The following DGKG variants were observed in gnomAD, a reference collection of about 807,000 sequenced individuals.
DGKG encodes the protein diacylglycerol kinase gamma.
Under a neutral mutation model 105.3 loss-of-function variants are expected in DGKG, and 78 were observed. The observed-to-expected ratio is 0.74, with a 90% CI of 0.62 to 0.89. DGKG has a LOEUF of 0.89. Ranked by LOEUF, DGKG falls within the 40% of genes least tolerant of loss-of-function variation. The pLI is 0.00. For synonymous variants in DGKG, 346 were observed against 367.1 expected (o/e 0.94, Z 0.66); for missense variants, 958 against 1,020.1 (o/e 0.94, Z 0.83).
At chr3:186,312,363 A>G (rs1364101161) in intron 2 of DGKG, among the ~76,000 whole-genome samples, 1 of 152,142 alleles carries the variant, frequency 6.6e-6, no homozygotes, top group East Asian at 1.9e-4. Context: ...GTAAAAATGC[A>G]GATTCTGTAG....
intron 18 of DGKG, among the ~76,000 whole-genome samples, chr3:186,252,892 G>A (rs1263315575): frequency 6.6e-6 from 1 of 152,190 alleles, no homozygotes; most frequent in African/African-American, 2.4e-5. Context: ...AGCTCCCAGA[G>A]CCCAGAAGAG....
Position 186,149,890 on chromosome 3 carries a change from A to C in DGKG, c.*200T>G, listed in dbSNP as rs533808637. 7 of 1,376,206 alleles carry C rather than the reference A, an allele frequency of 5.1e-6. No individual in the cohort carries two copies. In the East Asian group the frequency reaches 1.7e-4, roughly 34 times the overall value. The allele number at this position is 1,376,206 out of a possible 1,614,324, so 85.2% of individuals were successfully genotyped here. A position where few individuals can be genotyped will look rare whatever the true frequency, so the allele number is the denominator to read the frequency against. ...ATGTTTTGTTGGCACTGGCTCTGTT[A>C]GGGGTGTACCCACTGTTGAAACAGA... On this transcript the variant is annotated 3_prime_UTR_variant, in exon 25 of 25. Coordinates refer to ENST00000265022, the MANE Select transcript of DGKG (RefSeq NM_001346.3).
chr3:186,356,002 C>T (rs547325288), intron 1 of DGKG, among the ~76,000 whole-genome samples: 120 of 152,084 alleles, frequency 7.9e-4, no homozygotes, highest in African/African-American at 2.3e-3. Flanking sequence ...GATTATTGGA[C>T]GGAAGATCAA....
At position 186,165,024 on chromosome 3, in the gene DGKG, G is replaced by A. The variant is rs201025412; in HGVS notation, c.2096-6C>T. 3.7e-6 allele frequency: 6 copies of A among 1,610,904 alleles called. No individual in the cohort carries two copies. Among genetic ancestry groups the A allele is most frequent in the Non-Finnish European group, 4.2e-6 (5 of 1,178,968 alleles). Reference sequence around the variant, plus strand: ...AAGGAGCTGGTCACTGAGGTCTGCAGAGCGAGACAGCAAAAGTAGTGCATA... The same window carrying A: ...AAGGAGCTGGTCACTGAGGTCTGCAAAGCGAGACAGCAAAAGTAGTGCATA... On this transcript the variant is annotated splice_region_variant and splice_polypyrimidine_tract_variant and intron_variant, in intron 22 of 24. Coordinates refer to ENST00000265022, the MANE Select transcript of DGKG (RefSeq NM_001346.3).
rs1204172764 is a variant in DGKG at position 186,183,508 on chromosome 3, G to T, written c.2095+4694C>A. ...CATGTAGCTAAGAACCTTTCTTGGG[G>T]GGGGGCGGGGTAACTACTTGAGGCC... On this transcript the variant is annotated intron_variant, in intron 22 of 24. Coordinates refer to ENST00000265022, the MANE Select transcript of DGKG (RefSeq NM_001346.3). Among the ~76,000 whole-genome samples, 1,195 of 152,026 alleles carry T rather than the reference G, an allele frequency of 7.9e-3. 20 individuals are homozygous for T. The highest frequency in any genetic ancestry group is 0.027 in the African/African-American group (1,139 of 41,432).
In DGKG at chr3:186,147,504, A is replaced by G. The variant is rs1715560112; in HGVS notation, c.*2586T>C. On this transcript the variant is annotated 3_prime_UTR_variant, in exon 25 of 25. Transcript: ENST00000265022. ...AGGATGATTTGCAAGGCACGATTAA[A>G]CAACAACACAAGATTTACTAAGGTT... is the stretch of plus-strand genomic sequence containing the variant. 1 of 985,312 alleles carries G rather than the reference A, an allele frequency of 1.0e-6. No individual in the cohort carries two copies. Among genetic ancestry groups the G allele is most frequent in the Non-Finnish European group, 1.2e-6 (1 of 829,918 alleles). The allele number at this position is 985,312 out of a possible 1,614,324, so 61.0% of individuals were successfully genotyped here.
At chr3:186,313,253 A>G (rs528682845) in intron 2 of DGKG, among the ~76,000 whole-genome samples, 1 of 152,366 alleles carries the variant, frequency 6.6e-6, no homozygotes, top group African/African-American at 2.4e-5. Flanking sequence ...TGATTTGAAC[A>G]TGAGCCGAGG....
At chr3:186,353,594 C>T (rs992962644) in intron 1 of DGKG, among the ~76,000 whole-genome samples, 253 of 141,640 alleles carry the variant, frequency 1.8e-3, no homozygotes, top group African/African-American at 6.8e-3. Context: ...TATATATACA[C>T]ACACACACAT....
chr3:186,234,720 A>G lies in DGKG; in HGVS notation c.1826+7784T>C, dbSNP rs140020621. Among the ~76,000 whole-genome samples, 1,359 of 152,316 alleles carry G rather than the reference A, an allele frequency of 8.9e-3. 26 individuals are homozygous for G. The highest frequency in any genetic ancestry group is 0.031 in the African/African-American group (1,274 of 41,568). ...CTTGTAGGGAGGCTTGAGACGCCACAGGCTGCTGCTGTGTAACAGTCTGAG... is the reference window on the plus strand; with the variant it reads ...CTTGTAGGGAGGCTTGAGACGCCACGGGCTGCTGCTGTGTAACAGTCTGAG... On this transcript the variant is annotated intron_variant, in intron 20 of 24. Transcript: ENST00000265022.
intron 22 of DGKG, among the ~76,000 whole-genome samples, chr3:186,182,341 C>T (rs1717398995): frequency 6.6e-6 from 1 of 152,166 alleles, no homozygotes. Context: ...TACTGCTGAC[C>T]AAGGGCTCAC....
chr3:186,275,205 T>C (rs374870628), intron 10 of DGKG, among the ~76,000 whole-genome samples: 1 of 152,186 alleles, frequency 6.6e-6, no homozygotes, highest in African/African-American at 2.4e-5. Context: ...TTTTAAAAAA[T>C]AAGTTTCCTC....
chr3:186,250,366 T>C (rs1721150732), intron 19 of DGKG, among the ~76,000 whole-genome samples: 2 of 151,970 alleles, frequency 1.3e-5, no homozygotes, highest in South Asian at 4.2e-4. Flanking sequence ...AAGAAACAGC[T>C]AATGGATGCC....
chr3:186,336,238 G>C (rs1030203831), intron 1 of DGKG, among the ~76,000 whole-genome samples: 1 of 152,120 alleles, frequency 6.6e-6, no homozygotes, highest in African/African-American at 2.4e-5. Flanking sequence ...CTTCCACGAA[G>C]GGTGATCCCA....
chr3:186,217,211 TC>T (rs1719336493), intron 20 of DGKG, among the ~76,000 whole-genome samples: 2 of 152,220 alleles, frequency 1.3e-5, no homozygotes, highest in South Asian at 4.1e-4. Context: ...AACGATGTTT[TC>T]ATGGCTGCTG....
intron 2 of DGKG, among the ~76,000 whole-genome samples, chr3:186,315,587 A>C (rs1192421315): frequency 6.6e-6 from 1 of 152,102 alleles, no homozygotes; most frequent in Non-Finnish European, 1.5e-5. Flanking sequence ...TTGCCTTACT[A>C]GGCACTGTGA....
At chr3:186,315,538 T>C (rs1255770673) in intron 2 of DGKG, among the ~76,000 whole-genome samples, 8 of 152,196 alleles carry the variant, frequency 5.3e-5, no homozygotes, top group Non-Finnish European at 1.2e-4. Flanking sequence ...TAGAGAGGTC[T>C]GACGGTCTAT....
chr3:186,156,186 C>T (rs1193072355), intron 24 of DGKG, among the ~76,000 whole-genome samples: 1 of 152,046 alleles, frequency 6.6e-6, no homozygotes, highest in Non-Finnish European at 1.5e-5. Flanking sequence ...AAATCCCTGC[C>T]CCCAGTGTAA....
At chr3:186,160,076 G>C (rs1257976777) in intron 24 of DGKG, 4 of 497,642 alleles carry the variant, frequency 8.0e-6, no homozygotes, top group Non-Finnish European at 1.0e-5. Context: ...TCAGTCTGTG[G>C]TATTCTATTA....
chr3:186,209,518 G>T (rs1383062313), intron 21 of DGKG, among the ~76,000 whole-genome samples: 1 of 152,114 alleles, frequency 6.6e-6, no homozygotes, highest in Non-Finnish European at 1.5e-5. Flanking sequence ...AAAGGCTATG[G>T]TGGGGAACTG....
Sources: gnomAD v4.1 joint callset for allele counts (sites outside exome capture counted in the v4.1 genomes callset) on GRCh38, gnomAD v4.1.1 for gene constraint, MANE v1.5 for transcripts, NCBI Gene and HGNC (gene_info 2026-07-23, HGNC 2026-07-21) for gene names.